ANXA8: variants seen among roughly 807,000 people sequenced by gnomAD.
The protein encoded by ANXA8 is annexin A8.
ANXA8 carries 9 observed loss-of-function variants against 26.8 expected under a neutral mutation model. The observed-to-expected ratio is 0.34, with a 90% CI of 0.20 to 0.59. The LOEUF is 0.59. Among genes scored for constraint, ANXA8 ranks in the 20% least tolerant of loss-of-function variants. The pLI is 0.84. For missense variants in ANXA8, 83 were observed against 238.5 expected, an observed-to-expected ratio of 0.35 and a Z score of 4.29; for synonymous variants, 39 against 94.8, an observed-to-expected ratio of 0.41 and a Z score of 3.42.
At chr10:47,661,046 A>G in the ANXA8 span, among the ~76,000 whole-genome samples, 2 of 148,916 alleles carry the variant, frequency 1.3e-5, no homozygotes, top group Non-Finnish European at 3.0e-5. Context: ...TAGCCTGTCC[A>G]TCCTTCCTTT....
chr10:47,558,531 G>A, the ANXA8 span, among the ~76,000 whole-genome samples: 3 of 78,292 alleles, frequency 3.8e-5, no homozygotes, highest in Non-Finnish European at 5.2e-5. Context: ...GTTTTAAGAT[G>A]TGTGTGTGTG....
chr10:47,736,651 TTTTTTCTTTTTC>T, the ANXA8 span, among the ~76,000 whole-genome samples: 1 of 149,144 alleles, frequency 6.7e-6, no homozygotes, highest in Non-Finnish European at 1.5e-5. Context: ...TTTCTTTTTC[TTTTTTCTTTTTC>T]TTTTTTTTTG....
chr10:47,502,737 G>T, the ANXA8 span: 1 of 1,595,096 alleles, frequency 6.3e-7, no homozygotes, highest in African/African-American at 1.4e-5. Flanking sequence ...GCAGGGCCAT[G>T]GCCTCACTCT....
the ANXA8 span, among the ~76,000 whole-genome samples, chr10:47,585,263 C>CAAAAAAAAAAAAA: frequency 5.5e-4 from 24 of 43,584 alleles, no homozygotes; most frequent in African/African-American, 7.9e-4. Flanking sequence ...GACTCCATCT[C>CAAAAAAAAAAAAA]AAAAAAAAAA....
the ANXA8 span, chr10:47,752,888 C>T: frequency 1.2e-5 from 1 of 86,480 alleles, no homozygotes; most frequent in Non-Finnish European, 2.3e-5. Context: ...AGGTGGATCA[C>T]CTGAGGCCAG....
At chr10:47,620,614 TA>T in the ANXA8 span, among the ~76,000 whole-genome samples, 2 of 104,650 alleles carry the variant, frequency 1.9e-5, no homozygotes, top group African/African-American at 7.5e-5. Flanking sequence ...TCTGGACGCT[TA>T]AAAAATGATT....
the ANXA8 span, among the ~76,000 whole-genome samples, chr10:47,682,888 C>T: frequency 2.6e-5 from 4 of 152,176 alleles, no homozygotes; most frequent in African/African-American, 4.8e-5. Context: ...GAGAAATTCC[C>T]GTTGTATTGC....
the ANXA8 span, among the ~76,000 whole-genome samples, chr10:47,744,215 A>C: frequency 2.7e-5 from 4 of 148,486 alleles, no homozygotes; most frequent in Non-Finnish European, 6.0e-5. Context: ...AGGCTGCGGG[A>C]ATGTTGCGGC....
the ANXA8 span, among the ~76,000 whole-genome samples, chr10:47,510,984 C>T: frequency 2.3e-5 from 3 of 129,710 alleles, 1 homozygote; most frequent in African/African-American, 9.0e-5. Context: ...CGCTCTGTAG[C>T]CCAGGCTGGA....
At chr10:47,671,193 C>T in the ANXA8 span, among the ~76,000 whole-genome samples, 6 of 151,832 alleles carry the variant, frequency 4.0e-5, no homozygotes, top group African/African-American at 7.3e-5. Flanking sequence ...GAGGCTCAGG[C>T]GGATGGATCA....
At chr10:47,546,810 T>A in the ANXA8 span, among the ~76,000 whole-genome samples, 294 of 141,926 alleles carry the variant, frequency 2.1e-3, 26 homozygotes, top group African/African-American at 7.1e-3. Context: ...TGTTTCTATC[T>A]TTCCATGGAT....
the ANXA8 span, among the ~76,000 whole-genome samples, chr10:47,672,800 G>T: frequency 1.3e-5 from 2 of 151,928 alleles, no homozygotes; most frequent in South Asian, 2.1e-4. Context: ...TCTGGGGAAA[G>T]AATTCAGCTT....
chr10:47,689,154 G>A, the ANXA8 span, among the ~76,000 whole-genome samples: 51 of 150,126 alleles, frequency 3.4e-4, no homozygotes, highest in African/African-American at 1.1e-3. Flanking sequence ...CTTGTTTGAT[G>A]TGAGTGTGCT....
At chr10:47,558,265 G>A in the ANXA8 span, among the ~76,000 whole-genome samples, 1 of 151,910 alleles carries the variant, frequency 6.6e-6, no homozygotes, top group Non-Finnish European at 1.5e-5. Context: ...CATGGGTGGT[G>A]TGTCTTCAGT....
At chr10:47,672,591 G>A in the ANXA8 span, among the ~76,000 whole-genome samples, 1 of 151,846 alleles carries the variant, frequency 6.6e-6, no homozygotes, top group Non-Finnish European at 1.5e-5. Flanking sequence ...TCCTGCCCTT[G>A]TGGAGGAGAC....
chr10:47,553,630 T>G, the ANXA8 span: 1 of 160,000 alleles, frequency 6.3e-6, no homozygotes, highest in African/African-American at 2.4e-5. Flanking sequence ...GAAAGACTCG[T>G]CAACGGCCGA....
At chr10:47,552,146 C>T in the ANXA8 span, among the ~76,000 whole-genome samples, 2 of 151,838 alleles carry the variant, frequency 1.3e-5, no homozygotes, top group East Asian at 3.9e-4. Context: ...GATGAGTTAC[C>T]TCTGCTAAGG....
the ANXA8 span, among the ~76,000 whole-genome samples, chr10:47,733,175 T>TTCTTTCTTTCTTTCTCTCTCTCTCTC: frequency 2.2e-4 from 21 of 93,364 alleles, no homozygotes; most frequent in African/African-American, 6.3e-4. Context: ...CTTTCTTTCT[T>TTCTTTCTTTCTTTCTCTCTCTCTCTC]TCTTTCTTTC....
the ANXA8 span, among the ~76,000 whole-genome samples, chr10:47,772,278 C>T: frequency 4.6e-5 from 7 of 151,958 alleles, no homozygotes; most frequent in Admixed American, 4.6e-4. Context: ...GTCACCTGCT[C>T]TGCCACCTTC....
Sources: gnomAD v4.1 joint callset for allele counts (sites outside exome capture counted in the v4.1 genomes callset) on GRCh38, gnomAD v4.1.1 for gene constraint, MANE v1.5 for transcripts, NCBI Gene and HGNC (gene_info 2026-07-23, HGNC 2026-07-21) for gene names.